Variants in LHX8 observed in about 807,000 individuals in gnomAD.
LHX8 encodes LIM homeobox 8.
Under a neutral mutation model 40.3 loss-of-function variants are expected in LHX8, and 12 were observed. The ratio of observed to expected loss-of-function variants is 0.30; its 90% confidence interval spans 0.19 to 0.48. LHX8 has a LOEUF of 0.48. Among genes scored for constraint, LHX8 ranks in the 20% least tolerant of loss-of-function variants. The probability of loss-of-function intolerance (pLI) is 0.99; values close to 1 mark genes in which losing one functional copy is unlikely to be tolerated. For missense variants in LHX8, 344 were observed against 433.7 expected, an observed-to-expected ratio of 0.79 and a Z score of 1.84; for synonymous variants, 179 against 162.0, an observed-to-expected ratio of 1.10 and a Z score of -0.80.
chr1:75,165,286 A>G (rs1389867633), downstream of LHX8, among the ~76,000 whole-genome samples: 1 of 152,248 alleles, frequency 6.6e-6, no homozygotes, highest in Non-Finnish European at 1.5e-5. Context: ...GCTTCAATTA[A>G]CATAATTAGG....
At chr1:75,159,022 G>T (rs1648844549) in intron 8 of LHX8, among the ~76,000 whole-genome samples, 1 of 152,068 alleles carries the variant, frequency 6.6e-6, no homozygotes, top group South Asian at 2.1e-4. Flanking sequence ...ATCATCTCAT[G>T]ATTTAGACTT....
the LHX8 span, among the ~76,000 whole-genome samples, chr1:75,192,336 A>G: frequency 0.12 from 17,537 of 152,226 alleles, 1,256 homozygotes; most frequent in Middle Eastern, 0.22. Context: ...AAGTTTTCCT[A>G]CAGAACCATT....
the LHX8 span, among the ~76,000 whole-genome samples, chr1:75,166,793 A>G: frequency 1.3e-5 from 2 of 152,210 alleles, no homozygotes; most frequent in African/African-American, 4.8e-5. Flanking sequence ...AGGGTCATCA[A>G]TGGAACCAAG....
chr1:75,152,760 G>A (rs553488744), intron 7 of LHX8, among the ~76,000 whole-genome samples: 1 of 152,224 alleles, frequency 6.6e-6, no homozygotes, highest in Admixed American at 6.5e-5. Context: ...CTACGTACAA[G>A]AGTTCCTTTT....
intron 1 of LHX8, among the ~76,000 whole-genome samples, chr1:75,135,606 C>A (rs999577423): frequency 2.6e-5 from 4 of 152,158 alleles, no homozygotes; most frequent in Non-Finnish European, 4.4e-5. Context: ...CGCTCGAGTT[C>A]GGGGTACCCA....
At chr1:75,130,369 C>T (rs1291982819), upstream of LHX8, 2 of 434,804 alleles carry the variant, frequency 4.6e-6, no homozygotes, top group East Asian at 4.2e-5. Flanking sequence ...CCTCCAGAAC[C>T]GCTTGAAACA....
the LHX8 span, among the ~76,000 whole-genome samples, chr1:75,187,620 G>T: frequency 2.0e-5 from 3 of 152,108 alleles, no homozygotes; most frequent in Non-Finnish European, 4.4e-5. Flanking sequence ...AGGCATAGTG[G>T]AGCAAGGGAG....
downstream of LHX8, among the ~76,000 whole-genome samples, chr1:75,161,769 A>G (rs1276165215): frequency 6.6e-6 from 1 of 152,110 alleles, no homozygotes; most frequent in African/African-American, 2.4e-5. Context: ...ACTTTTCAGA[A>G]TGGACTTCGG....
intron 7 of LHX8, among the ~76,000 whole-genome samples, chr1:75,151,560 G>T (rs1252825631): frequency 6.6e-6 from 1 of 152,160 alleles, no homozygotes; most frequent in Non-Finnish European, 1.5e-5. Flanking sequence ...GTAGAAAAAG[G>T]CACTGGTGTT....
At position 75,143,346 on chromosome 1, in the gene LHX8, T is replaced by C; in HGVS notation, c.580+8T>C. 6.3e-7 allele frequency: 1 copy of C among 1,594,420 alleles called. No homozygotes were observed. The highest frequency in any genetic ancestry group is 8.6e-7 in the Non-Finnish European group (1 of 1,164,314). On this transcript the variant is annotated splice_region_variant and intron_variant, in intron 5 of 8. Coordinates refer to ENST00000356261, the MANE Select transcript of LHX8 (RefSeq NM_001256114.2). ...AAAGAGAAGTAGAAAATGGTAAATA[T>C]GTACTTAAATACTTTTGAGTCTTTT...
chr1:75,143,462 A>G, intron 5 of LHX8, 124 bp downstream of exon 5: 1 of 681,062 alleles, frequency 1.5e-6, no homozygotes, highest in Non-Finnish European at 2.4e-6. Context: ...AAAACTCATT[A>G]AGTACTCTAC....
At position 75,136,602 on chromosome 1, in the gene LHX8, G is replaced by C. The variant is rs1234287889; in HGVS notation, c.-12-1G>C. 1.3e-6 allele frequency: 2 copies of C among 1,549,102 alleles called. No homozygotes were observed. Among genetic ancestry groups the C allele is most frequent in the African/African-American group, 1.4e-5 (1 of 73,128 alleles). Reference sequence around the variant, plus strand: ...TACTTTCTCCCCCTCCTACTCCGCAGTGTCAGGGGCTCATGTCAGAGGAGT... The same window carrying C: ...TACTTTCTCCCCCTCCTACTCCGCACTGTCAGGGGCTCATGTCAGAGGAGT... On this transcript the variant is annotated splice_acceptor_variant, in intron 1 of 8. Coordinates refer to ENST00000356261, the MANE Select transcript of LHX8 (RefSeq NM_001256114.2). LOFTEE classifies it low-confidence loss of function (5UTR_SPLICE).
the LHX8 span, among the ~76,000 whole-genome samples, chr1:75,192,275 A>C: frequency 6.6e-6 from 1 of 152,230 alleles, no homozygotes; most frequent in Non-Finnish European, 1.5e-5. Flanking sequence ...AATAGCCCTG[A>C]AACCTGACCA....
At chr1:75,168,292 G>A in the LHX8 span, among the ~76,000 whole-genome samples, 2,634 of 151,886 alleles carry the variant, frequency 0.017, 78 homozygotes, top group African/African-American at 0.061. Flanking sequence ...GTGTGGTCTC[G>A]GCTCACTGCA....
the LHX8 span, among the ~76,000 whole-genome samples, chr1:75,185,600 T>TA: frequency 6.6e-6 from 1 of 152,070 alleles, no homozygotes; most frequent in African/African-American, 2.4e-5. Context: ...ACTGAATGGG[T>TA]AAAAGCTGGA....
chr1:75,160,895 ATT>A lies in LHX8; in HGVS notation c.*1_*2del. The A allele has an allele frequency of 6.2e-7, 1 of 1,605,532 alleles. No individual in the cohort carries two copies. The highest frequency in any genetic ancestry group is 8.5e-7 in the Non-Finnish European group (1 of 1,172,400). ...CACAACTGCCAATAAGTCATACCTA[ATT>A]CTTTTTTCAGGGATAGACTTGATTA... is the stretch of plus-strand genomic sequence containing the variant. On this transcript the variant is annotated 3_prime_UTR_variant, in exon 9 of 9. Coordinates refer to ENST00000356261, the MANE Select transcript of LHX8 (RefSeq NM_001256114.2).
At chr1:75,158,038 A>G (rs997055635) in intron 8 of LHX8, among the ~76,000 whole-genome samples, 1 of 152,214 alleles carries the variant, frequency 6.6e-6, no homozygotes, top group Middle Eastern at 3.2e-3. Context: ...AGCAAGGTTC[A>G]AGGTGCTTCA....
At chr1:75,128,889 C>T (rs1222840960) in intron 1 of LHX8, among the ~76,000 whole-genome samples, 1 of 152,188 alleles carries the variant, frequency 6.6e-6, no homozygotes, top group Non-Finnish European at 1.5e-5. Context: ...TCTGGAGCCT[C>T]TGCAGCCCAG....
At chr1:75,136,779 G>T in intron 2 of LHX8, 90 bp downstream of exon 2, 1 of 821,924 alleles carries the variant, frequency 1.2e-6, no homozygotes, top group Non-Finnish European at 1.8e-6. Flanking sequence ...TCCTTCCAGG[G>T]CCCAGCTGGC....
Sources: gnomAD v4.1 joint callset for allele counts (sites outside exome capture counted in the v4.1 genomes callset) on GRCh38, gnomAD v4.1.1 for gene constraint, MANE v1.5 for transcripts, NCBI Gene and HGNC (gene_info 2026-07-23, HGNC 2026-07-21) for gene names.